CACNA2D3: variants seen among roughly 807,000 people sequenced by gnomAD.
CACNA2D3 encodes voltage-dependent calcium channel subunit alpha-2/delta-3.
CACNA2D3 carries 60 observed loss-of-function variants against 160.6 expected under a neutral mutation model. The ratio of observed to expected loss-of-function variants is 0.37; its 90% CI spans 0.30 to 0.46. The LOEUF (loss-of-function observed/expected upper bound fraction) is 0.46. CACNA2D3 is among the 20% of genes least tolerant of loss of function. The probability of loss-of-function intolerance (pLI) is 1.00; values close to 1 mark genes in which losing one functional copy is unlikely to be tolerated. For synonymous variants in CACNA2D3, 558 were observed against 492.9 expected (o/e 1.13, Z -1.75); for missense variants, 1,205 against 1,365.0 (o/e 0.88, Z 1.85).
chr3:54,757,194 T>C (rs1701988105), intron 12 of CACNA2D3, among the ~76,000 whole-genome samples: 1 of 152,168 alleles, frequency 6.6e-6, no homozygotes, highest in African/African-American at 2.4e-5. Context: ...TCACAGTTAA[T>C]GGAGTGTTTT....
chr3:54,920,467 T>G (rs570248063), intron 27 of CACNA2D3, among the ~76,000 whole-genome samples: 1 of 152,170 alleles, frequency 6.6e-6, no homozygotes, highest in Non-Finnish European at 1.5e-5. Context: ...GAGGAAACAG[T>G]CCTCACCCTA....
At chr3:54,408,088 A>G (rs1470436404) in intron 4 of CACNA2D3, among the ~76,000 whole-genome samples, 1 of 152,214 alleles carries the variant, frequency 6.6e-6, no homozygotes, top group African/African-American at 2.4e-5. Flanking sequence ...GGAGGGACAG[A>G]TATTAAAGAT....
chr3:54,955,315 T>C (rs576535979), intron 27 of CACNA2D3, among the ~76,000 whole-genome samples: 1 of 152,132 alleles, frequency 6.6e-6, no homozygotes, highest in African/African-American at 2.4e-5. Context: ...GGTAATCTCT[T>C]GAAGCTACTC....
chr3:54,370,173 C>T (rs779569882), intron 3 of CACNA2D3, among the ~76,000 whole-genome samples: 2 of 151,886 alleles, frequency 1.3e-5, no homozygotes, highest in Non-Finnish European at 2.9e-5. Context: ...ATTTATTTAC[C>T]CTAGAAGTGA....
At chr3:54,902,915 G>A (rs193217158) in intron 27 of CACNA2D3, among the ~76,000 whole-genome samples, 7 of 152,230 alleles carry the variant, frequency 4.6e-5, no homozygotes, top group African/African-American at 1.4e-4. Context: ...AAAGTTGGTG[G>A]CATATTCATT....
At chr3:54,884,011 C>T (rs372523063) in intron 21 of CACNA2D3, among the ~76,000 whole-genome samples, 2 of 152,156 alleles carry the variant, frequency 1.3e-5, no homozygotes, top group South Asian at 2.1e-4. Flanking sequence ...TGTTTTTTCA[C>T]TGCTATATTC....
chr3:54,314,419 C>A lies in CACNA2D3; in HGVS notation c.205-6023C>A, dbSNP rs563123611. Among the ~76,000 whole-genome samples, 11 of 152,278 alleles carry A rather than the reference C, an allele frequency of 7.2e-5. No individual in the cohort carries two copies. In the South Asian group the frequency reaches 1.2e-3, roughly 17 times the overall value. ...TGACTTCTTTTCCTCTGGGTAGATA[C>A]CCAGTAGTGGGATTGCTGGATCAAA... On this transcript the variant is annotated intron_variant, in intron 2 of 37. Transcript: ENST00000474759.
chr3:54,712,068 C>T (rs745937127), intron 11 of CACNA2D3, among the ~76,000 whole-genome samples: 1 of 152,184 alleles, frequency 6.6e-6, no homozygotes, highest in Non-Finnish European at 1.5e-5. Context: ...GGTTAAAATT[C>T]TAACTCTACA....
rs1249194947 is a variant in CACNA2D3, at chr3:55,072,854, C to CTT, written c.2988-590_2988-589insTT. On this transcript the variant is annotated intron_variant, in intron 35 of 37. Coordinates refer to ENST00000474759, the MANE Select transcript of CACNA2D3 (RefSeq NM_018398.3). The stretch of plus-strand genomic sequence containing the variant: ...GGTCAGAGCAGATATACAGCCTTGG[C>CTT]TCTTTCTTATAGAACTTGGGCTCTG... Among the ~76,000 whole-genome samples the CTT allele has an allele frequency of 7.3e-4, 111 of 151,932 alleles. 2 individuals carry two copies. Among genetic ancestry groups the CTT allele is most frequent in the Non-Finnish European group, 1.4e-3 (95 of 67,918 alleles).
At chr3:54,767,899 A>G (rs1702252617) in intron 13 of CACNA2D3, among the ~76,000 whole-genome samples, 1 of 152,154 alleles carries the variant, frequency 6.6e-6, no homozygotes, top group Non-Finnish European at 1.5e-5. Flanking sequence ...GTCCTTACTG[A>G]TAATAAATAA....
chr3:54,928,321 C>T (rs1051080557), intron 27 of CACNA2D3, among the ~76,000 whole-genome samples: 3 of 152,164 alleles, frequency 2.0e-5, no homozygotes, highest in Non-Finnish European at 4.4e-5. Flanking sequence ...GCTTGAAGTA[C>T]AGGGCACCAA....
chr3:54,408,163 A>C (rs1699607917), intron 4 of CACNA2D3, among the ~76,000 whole-genome samples: 1 of 152,208 alleles, frequency 6.6e-6, no homozygotes, highest in African/African-American at 2.4e-5. Context: ...GTGACATGAA[A>C]GAGAAGTACA....
At position 54,805,949 on chromosome 3, in the gene CACNA2D3, A is replaced by G. The variant is rs560752334; in HGVS notation, c.1381-10904A>G. Among the ~76,000 whole-genome samples, 1,298 of 152,196 alleles carry G rather than the reference A, an allele frequency of 8.5e-3. 20 individuals carry two copies. The highest frequency in any genetic ancestry group is 0.03 in the African/African-American group (1,240 of 41,494). Reference sequence around the variant, plus strand: ...GCATATAAACAGAGCCAAAGACAAAAACCACATGATTATCTCAATAGATGC... The same window carrying G: ...GCATATAAACAGAGCCAAAGACAAAGACCACATGATTATCTCAATAGATGC... On this transcript the variant is annotated intron_variant, in intron 13 of 37. Transcript: ENST00000474759.
intron 5 of CACNA2D3, among the ~76,000 whole-genome samples, chr3:54,541,789 A>G (rs1701983698): frequency 6.6e-6 from 1 of 152,182 alleles, no homozygotes; most frequent in African/African-American, 2.4e-5. Flanking sequence ...GTAGTCCTGG[A>G]TTGAAGCTAG....
intron 3 of CACNA2D3, chr3:54,367,531 C>A: frequency 6.7e-6 from 2 of 297,884 alleles, no homozygotes; most frequent in South Asian, 5.6e-5. Context: ...AGAGAGAGTG[C>A]AGGGCTCATG....
intron 11 of CACNA2D3, among the ~76,000 whole-genome samples, chr3:54,656,530 A>G (rs1309912704): frequency 1.3e-5 from 2 of 152,118 alleles, no homozygotes; most frequent in African/African-American, 4.8e-5. Flanking sequence ...CTTTCCTGCC[A>G]TTTCCTTTGT....
intron 17 of CACNA2D3, among the ~76,000 whole-genome samples, chr3:54,858,912 T>C (rs1699226071): frequency 6.6e-6 from 1 of 152,144 alleles, no homozygotes; most frequent in Non-Finnish European, 1.5e-5. Flanking sequence ...TCCATCTGAA[T>C]CCCCATGAGA....
chr3:54,334,829 C>T (rs1704340067), intron 3 of CACNA2D3, among the ~76,000 whole-genome samples: 1 of 152,182 alleles, frequency 6.6e-6, no homozygotes, highest in South Asian at 2.1e-4. Context: ...GTACCTTTTA[C>T]AACCAGCATA....
chr3:54,687,391 C>T (rs1372377152), intron 11 of CACNA2D3, among the ~76,000 whole-genome samples: 1 of 150,210 alleles, frequency 6.7e-6, no homozygotes, highest in African/African-American at 2.5e-5. Context: ...ACCTCGTGAT[C>T]CGCCTGCCTT....
Sources: allele counts gnomAD v4.1 joint callset (sites outside exome capture counted in the v4.1 genomes callset), GRCh38; gene constraint gnomAD v4.1.1; transcripts MANE v1.5; gene names NCBI Gene and HGNC (gene_info 2026-07-23, HGNC 2026-07-21).